Variants in DSP observed in about 807,000 individuals in gnomAD.
DSP encodes 250/210 kDa paraneoplastic pemphigus antigen.
DSP carries 114 observed loss-of-function variants against 290.6 expected under a neutral mutation model. The observed-to-expected ratio is 0.39, with a 90% CI of 0.34 to 0.46. The LOEUF is 0.46. DSP is among the 20% of genes least tolerant of loss of function. The pLI is 0.99. For missense variants in DSP, 3,230 were observed against 3,495.8 expected (o/e 0.92, Z 1.92); for synonymous variants, 1,311 against 1,316.4 (o/e 1.00, Z 0.09).
Position 7,559,322 on chromosome 6 carries a change from T to C in DSP, c.519T>C (p.Thr173=). 1.9e-6 allele frequency: 3 copies of C among 1,613,924 alleles called. No individual in the cohort carries two copies. Among genetic ancestry groups the C allele is most frequent in the Non-Finnish European group, 2.5e-6 (3 of 1,180,034 alleles). Residue 173 remains threonine (T), a synonymous_variant, in exon 4 of 24, where the codon ACT becomes ACC. Coordinates refer to ENST00000379802, the MANE Select transcript of DSP (RefSeq NM_004415.4). ...RASSKGGGGY[T]CQSGSGWDEF... ...GCTCCAAGGGTGGTGGAGGCTACAC[T>C]TGTCAGAGTGGCTCTGGCTGGGATG...
At chr6:7,572,826 A>C (rs1247055717) in intron 15 of DSP, among the ~76,000 whole-genome samples, 4 of 152,252 alleles carry the variant, frequency 2.6e-5, no homozygotes, top group African/African-American at 9.6e-5. Flanking sequence ...ACACAAACCT[A>C]GATGGTATAG....
rs1439777631 is a variant in DSP at position 7,562,641 on chromosome 6, T to C, written c.598-11T>C. Reference sequence around the variant, plus strand: ...CAACAAAGGGCGCCTCTCTTTGTCTTTGTGTCGCAGGCGGAGATGGACATG... The same window carrying C: ...CAACAAAGGGCGCCTCTCTTTGTCTCTGTGTCGCAGGCGGAGATGGACATG... On this transcript the variant is annotated splice_polypyrimidine_tract_variant and intron_variant, in intron 4 of 23. Coordinates refer to ENST00000379802, the MANE Select transcript of DSP (RefSeq NM_004415.4). The C allele has an allele frequency of 4.3e-6, 7 of 1,614,022 alleles. No homozygotes were observed. The highest frequency in any genetic ancestry group is 5.1e-6 in the Non-Finnish European group (6 of 1,179,950).
intron 13 of DSP, 139 bp downstream of exon 13, chr6:7,570,702 A>G (rs1759020308): frequency 2.4e-6 from 3 of 1,240,288 alleles, no homozygotes; most frequent in Non-Finnish European, 3.4e-6. Context: ...AGCCCTCCTT[A>G]GAGGTTCTGG....
chr6:7,585,281 C>T lies in DSP; in HGVS notation c.8019C>T (p.Asp2673=), dbSNP rs144275591. ...CGGGCCAGAAGCTGTCACTTCAGGA[C>T]GCAGTCTCCCAGGGTGTGATTGACC... ...PTTGQKLSLQ[D]AVSQGVIDQD... Residue 2673 remains aspartate, a synonymous_variant, in exon 24 of 24, where the codon GAC becomes GAT. Coordinates refer to ENST00000379802, the MANE Select transcript of DSP (RefSeq NM_004415.4). 2.4e-4 allele frequency: 380 copies of T among 1,614,164 alleles called. 3 individuals carry two copies. In the East Asian group the frequency reaches 4.4e-3, roughly 19 times the overall value.
chr6:7,583,804 T>A lies in DSP; in HGVS notation c.6542T>A (p.Val2181Asp). The A allele has an allele frequency of 6.2e-7, 1 of 1,613,832 alleles. No homozygotes were observed. The highest frequency in any genetic ancestry group is 1.1e-5 in the South Asian group (1 of 91,030). The change falls in exon 24 of 24, where the codon GTC (valine) becomes GAC (aspartate). Residue 2181 changes from valine to aspartate, a missense_variant. This residue lies in a region of DSP where 1,714 missense variants were observed against 1,844.5 expected (regional missense o/e 0.93). Coordinates refer to ENST00000379802, the MANE Select transcript of DSP (RefSeq NM_004415.4). The surrounding 1 kb of genome is among the most constrained non-coding windows in gnomAD (Gnocchi z 4.0). ...GTGGATCCAGTCACCAAAAAGAAGG[T>A]CAGTTACGTGCAGCTGAAGGAACGG... ...NFVDPVTKKK[V>D]SYVQLKERCR...
At chr6:7,549,429 G>A (rs1384341522) in intron 1 of DSP, among the ~76,000 whole-genome samples, 5 of 152,200 alleles carry the variant, frequency 3.3e-5, no homozygotes, top group African/African-American at 7.2e-5. Context: ...GATTACAGGC[G>A]TGAGCCACCG....
In DSP at chr6:7,574,065, G is replaced by A. The variant is rs1480783370; in HGVS notation, c.2131-21G>A. 4 of 1,613,650 alleles carry A rather than the reference G, an allele frequency of 2.5e-6. No individual in the cohort carries two copies. In the African/African-American group the frequency reaches 4.0e-5, roughly 16 times the overall value. On this transcript the variant is annotated intron_variant, in intron 15 of 23. Transcript: ENST00000379802. ...AAAAAGAATCAGCTAAATCAAAAGAGCTTTCCTTCATTTTTGACAGAGTGT... is the reference window on the plus strand; with the variant it reads ...AAAAAGAATCAGCTAAATCAAAAGAACTTTCCTTCATTTTTGACAGAGTGT...
chr6:7,572,079 G>A lies in DSP; in HGVS notation c.2130+11G>A. On this transcript the variant is annotated intron_variant, in intron 15 of 23. Coordinates refer to ENST00000379802, the MANE Select transcript of DSP (RefSeq NM_004415.4). ...ATTAACGAGCTTAAGGTAGGTATCT[G>A]CTAGTATTTTGCCTGGTTACCCTGT... is the stretch of plus-strand genomic sequence containing the variant. 6.2e-7 allele frequency: 1 copy of A among 1,609,340 alleles called. No homozygotes were observed. Among genetic ancestry groups the A allele is most frequent in the Non-Finnish European group, 8.5e-7 (1 of 1,175,936 alleles).
At chr6:7,558,044 C>A in intron 2 of DSP, 72 bp from the exon 3 acceptor site, 1 of 1,575,388 alleles carries the variant, frequency 6.3e-7, no homozygotes, top group Non-Finnish European at 8.7e-7. Context: ...GAAGCTCTTG[C>A]TTCCATTAAT....
rs758326337 is a variant in DSP, at chr6:7,582,821, G to A, written c.5559G>A (p.Leu1853=). 2 of 1,614,082 alleles carry A rather than the reference G, an allele frequency of 1.2e-6. No homozygotes were observed. The highest frequency in any genetic ancestry group is 2.2e-5 in the South Asian group (2 of 91,084). ...CAGAAACCAGGGTGAAACAGCGCCTGGAGTGTGAGAAACAGCAAATTCAGA... is the reference window on the plus strand; with the variant it reads ...CAGAAACCAGGGTGAAACAGCGCCTAGAGTGTGAGAAACAGCAAATTCAGA... ...LEAETRVKQR[L]ECEKQQIQND... The change falls in exon 24 of 24, where the codon CTG becomes CTA. Residue 1853 remains leucine, a synonymous_variant. Transcript: ENST00000379802. The surrounding 1 kb of genome is among the most constrained non-coding windows in gnomAD (Gnocchi z 4.2).
In DSP at chr6:7,579,284, A is replaced by C; in HGVS notation, c.3094A>C (p.Thr1032Pro). 6.2e-7 allele frequency: 1 copy of C among 1,614,142 alleles called. No individual in the cohort carries two copies. Among genetic ancestry groups the C allele is most frequent in the Non-Finnish European group, 8.5e-7 (1 of 1,180,022 alleles). ...TGATTTCATTCCACAGCTGAAAAATACCAAGATCGAAGTTTTGGAAGAGGA... is the reference window on the plus strand; with the variant it reads ...TGATTTCATTCCACAGCTGAAAAATCCCAAGATCGAAGTTTTGGAAGAGGA... ...KSLEDLKLKN[T>P]KIEVLEEELR... Residue 1032 changes from threonine to proline, a missense_variant, in exon 23 of 24, where the codon ACC (threonine) becomes CCC (proline). Transcript: ENST00000379802. The surrounding 1 kb of genome is among the most constrained non-coding windows in gnomAD (Gnocchi z 4.1).
Position 7,582,600 on chromosome 6 carries a change from C to T in DSP, c.5380-42C>T, listed in dbSNP as rs1184178489. The T allele has an allele frequency of 1.3e-6, 2 of 1,530,526 alleles. No individual in the cohort carries two copies. 94.8% of individuals were successfully genotyped at this position (1,530,526 alleles called of 1,614,324 possible). A position where few individuals can be genotyped will look rare whatever the true frequency, so the allele number is the denominator to read the frequency against. ...GTCGTGATAGTAATATGATATGATT[C>T]AAAACATTATTTTTTCCCATTTCTT... On this transcript the variant is annotated intron_variant, in intron 23 of 23. Transcript: ENST00000379802. This position sits in a 1 kb window ranked among gnomAD's most constrained non-coding sequence, Gnocchi z 4.2.
At chr6:7,553,483 A>C (rs1321357819) in intron 1 of DSP, among the ~76,000 whole-genome samples, 3 of 152,242 alleles carry the variant, frequency 2.0e-5, no homozygotes, top group African/African-American at 7.2e-5. Context: ...GAAAATAAAG[A>C]TAATTACACA....
intron 4 of DSP, among the ~76,000 whole-genome samples, chr6:7,562,183 GA>G (rs1251699135): frequency 6.6e-6 from 1 of 152,120 alleles, no homozygotes; most frequent in Non-Finnish European, 1.5e-5. Flanking sequence ...ACAATATAAA[GA>G]AATAAACAAT....
chr6:7,584,012 T>C lies in DSP; in HGVS notation c.6750T>C (p.Ile2250=), dbSNP rs765192694. 1 of 1,614,154 alleles carries C rather than the reference T, an allele frequency of 6.2e-7. No homozygotes were observed. The highest frequency in any genetic ancestry group is 8.5e-7 in the Non-Finnish European group (1 of 1,180,026). Residue 2250 remains isoleucine, a synonymous_variant, in exon 24 of 24, where the codon ATT becomes ATC. Transcript: ENST00000379802. This position sits in a 1 kb window ranked among gnomAD's most constrained non-coding sequence, Gnocchi z 6.4. ...QISYDEVGER[I]KDFLQGSSCI... ...CTTATGACGAGGTTGGTGAGAGAAT[T>C]AAGGACTTCCTCCAGGGTTCAAGCT...
In DSP at chr6:7,580,123, G is replaced by T; in HGVS notation, c.3933G>T (p.Gln1311His). The change falls in exon 23 of 24, where the codon CAG becomes CAT. Residue 1311 changes from glutamine to histidine, a missense_variant. Physicochemically the swap from Gln to His is conservative, Grantham distance 24 (BLOSUM62 0). Around this residue, in one of 5 missense-constraint regions of DSP, gnomAD observed 1,714 missense variants for 1,844.5 expected, o/e 0.93. Transcript: ENST00000379802. The surrounding 1 kb of genome is among the most constrained non-coding windows in gnomAD (Gnocchi z 4.2). ...CTGAGGACAATGCCCGGCACAAGCAGTCCCTGGAGGAGGCTGCCAAGACCA... is the reference window on the plus strand; with the variant it reads ...CTGAGGACAATGCCCGGCACAAGCATTCCCTGGAGGAGGCTGCCAAGACCA... ...QRSEDNARHK[Q>H]SLEEAAKTIQ... The T allele has an allele frequency of 6.2e-7, 1 of 1,614,096 alleles. No individual in the cohort carries two copies. Among genetic ancestry groups the T allele is most frequent in the Non-Finnish European group, 8.5e-7 (1 of 1,179,996 alleles).
At chr6:7,568,178 AT>A (rs1364250904) in intron 10 of DSP, among the ~76,000 whole-genome samples, 1 of 152,230 alleles carries the variant, frequency 6.6e-6, no homozygotes, top group African/African-American at 2.4e-5. Context: ...TTGGGAACGC[AT>A]ACTTCAAATT....
In DSP at chr6:7,581,115, G is replaced by A; in HGVS notation, c.4925G>A (p.Gly1642Asp). 1 of 1,614,112 alleles carries A rather than the reference G, an allele frequency of 6.2e-7. No homozygotes were observed. The change falls in exon 23 of 24, where the codon GGC (glycine) becomes GAC (aspartate). Residue 1642 changes from glycine to aspartate, a missense_variant. This residue lies in a region of DSP where 1,714 missense variants were observed against 1,844.5 expected (regional missense o/e 0.93). Transcript: ENST00000379802. ...DLRQQRDVLD[G>D]HLREKQRTQE... ...CGGCAGCAGAGGGACGTGCTGGATG[G>A]CCACCTGAGGGAAAAGCAGAGGACC...
chr6:7,572,140 C>G (rs1759076539), intron 15 of DSP, 72 bp downstream of exon 15: 1 of 1,368,510 alleles, frequency 7.3e-7, no homozygotes, highest in South Asian at 1.3e-5. Context: ...TAAAAAAAAT[C>G]CTGGTTTAAA....
Sources: allele counts gnomAD v4.1 joint callset (sites outside exome capture counted in the v4.1 genomes callset), GRCh38; gene constraint gnomAD v4.1.1; regional missense constraint gnomAD v4.1.1; non-coding constraint Gnocchi (gnomAD v3.1); transcripts MANE v1.5; gene names NCBI Gene and HGNC (gene_info 2026-07-23, HGNC 2026-07-21).